DAAM1: variants seen among roughly 807,000 people sequenced by gnomAD.
DAAM1 encodes the protein dishevelled associated activator of morphogenesis 1, also known as disheveled-associated activator of morphogenesis 1.
Under a neutral mutation model 130.0 loss-of-function variants are expected in DAAM1, and 52 were observed. The observed-to-expected ratio is 0.40, with a 90% CI of 0.32 to 0.50. DAAM1 has a LOEUF of 0.50. DAAM1 is among the 20% of genes least tolerant of loss of function. The pLI is 0.61. For missense variants in DAAM1, 1,134 were observed against 1,303.8 expected (o/e 0.87, Z 2.01); for synonymous variants, 452 against 444.5 (o/e 1.02, Z -0.21).
chr14:59,230,344 C>T (rs974312499), intron 1 of DAAM1, among the ~76,000 whole-genome samples: 2 of 151,558 alleles, frequency 1.3e-5, no homozygotes, highest in Non-Finnish European at 1.5e-5. Flanking sequence ...GATTCCCTTA[C>T]CCAGGAGGCA....
intron 1 of DAAM1, among the ~76,000 whole-genome samples, chr14:59,242,365 TAAC>T (rs1167340700): frequency 7.2e-5 from 11 of 152,162 alleles, no homozygotes; most frequent in Admixed American, 5.2e-4. Flanking sequence ...ATAATAATAG[TAAC>T]AACAACAACA....
In DAAM1 at chr14:59,331,301, CCCA is replaced by C. The variant is rs1276393408; in HGVS notation, c.1659_1661del (p.Pro556del). The C allele has an allele frequency of 6.2e-7, 1 of 1,612,214 alleles. No homozygotes were observed. On this transcript the variant is annotated inframe_deletion, in exon 14 of 25. Coordinates refer to ENST00000360909, the MANE Select transcript of DAAM1 (RefSeq NM_001270520.2). ...CTGTGCCTGGATCTCTCCTTCCTCC[CCCA>C]CCACCCCCACCTCTACCAGGTGGGA... is the stretch of plus-strand genomic sequence containing the variant.
At chr14:59,301,891 C>T (rs892324734) in intron 3 of DAAM1, among the ~76,000 whole-genome samples, 1 of 152,154 alleles carries the variant, frequency 6.6e-6, no homozygotes, top group Non-Finnish European at 1.5e-5. Context: ...TTGTTCTTCA[C>T]AGAATTGTAA....
At chr14:59,233,092 T>A (rs1036493917) in intron 1 of DAAM1, among the ~76,000 whole-genome samples, 5 of 152,216 alleles carry the variant, frequency 3.3e-5, no homozygotes, top group African/African-American at 1.2e-4. Context: ...GGTGCTGCAA[T>A]AAACATACAT....
chr14:59,289,784 A>ATATATATATATACATATATATATATATAT, intron 2 of DAAM1, among the ~76,000 whole-genome samples: 1 of 128,776 alleles, frequency 7.8e-6, no homozygotes, highest in African/African-American at 2.9e-5. Context: ...ATATATATAT[A>ATATATATATATACATATATATATATATAT]ATGGAATGCT....
chr14:59,214,343 G>T (rs1050149107), intron 1 of DAAM1, among the ~76,000 whole-genome samples: 1 of 152,248 alleles, frequency 6.6e-6, no homozygotes, highest in African/African-American at 2.4e-5. Flanking sequence ...GTGCAAGGCA[G>T]GCCTGGCTGC....
chr14:59,286,608 G>A (rs1375227583), intron 2 of DAAM1, among the ~76,000 whole-genome samples: 2 of 151,996 alleles, frequency 1.3e-5, no homozygotes, highest in Non-Finnish European at 2.9e-5. Context: ...CATTACAACT[G>A]ACCCCACGGA....
intron 5 of DAAM1, among the ~76,000 whole-genome samples, chr14:59,321,067 T>A (rs375985432): frequency 9.9e-5 from 15 of 152,236 alleles, no homozygotes; most frequent in African/African-American, 3.6e-4. Flanking sequence ...CGTATATTGA[T>A]CAGCTGATGA....
chr14:59,367,845 A>G (rs1157556252), intron 24 of DAAM1, among the ~76,000 whole-genome samples: 1 of 152,202 alleles, frequency 6.6e-6, no homozygotes, highest in South Asian at 2.1e-4. Context: ...CAATTATTTT[A>G]AAGAAATAAT....
intron 12 of DAAM1, among the ~76,000 whole-genome samples, chr14:59,328,324 A>G (rs1885287993): frequency 6.6e-6 from 1 of 152,248 alleles, no homozygotes; most frequent in Admixed American, 6.5e-5. Context: ...AACTGCTACA[A>G]AAATGATAGA....
chr14:59,199,867 T>G (rs924617526), intron 1 of DAAM1, among the ~76,000 whole-genome samples: 1 of 152,136 alleles, frequency 6.6e-6, no homozygotes, highest in Non-Finnish European at 1.5e-5. Context: ...CTCCTCCAGT[T>G]GAGACAGCCC....
At chr14:59,255,341 A>G (rs1881829202) in intron 1 of DAAM1, among the ~76,000 whole-genome samples, 3 of 152,086 alleles carry the variant, frequency 2.0e-5, no homozygotes, top group Admixed American at 2.0e-4. Context: ...GGAACACACA[A>G]TTCCCTTTCA....
intron 21 of DAAM1, 82 bp from the exon 22 acceptor site, chr14:59,360,720 A>C: frequency 8.3e-7 from 1 of 1,208,606 alleles, no homozygotes; most frequent in Non-Finnish European, 1.2e-6. Context: ...ATGGACTTCC[A>C]AGCGTGAAAT....
At chr14:59,299,826 A>C (rs971427453) in intron 3 of DAAM1, 3 of 152,096 alleles carry the variant, frequency 2.0e-5, no homozygotes, top group African/African-American at 4.8e-5. Flanking sequence ...AACACCCTTA[A>C]TTTATATTTG....
intron 6 of DAAM1, 144 bp downstream of exon 6, chr14:59,323,369 T>C: frequency 1.1e-6 from 1 of 905,914 alleles, no homozygotes. Context: ...CATTCCCTTC[T>C]TCTTAGGTTT....
intron 1 of DAAM1, among the ~76,000 whole-genome samples, chr14:59,254,610 T>C (rs1163886970): frequency 6.6e-6 from 1 of 152,180 alleles, no homozygotes; most frequent in Non-Finnish European, 1.5e-5. Context: ...TGAGCTGTGA[T>C]GTCTTCGGGT....
chr14:59,201,746 A>G (rs1888111523), intron 1 of DAAM1, among the ~76,000 whole-genome samples: 1 of 151,146 alleles, frequency 6.6e-6, no homozygotes, highest in African/African-American at 2.4e-5. Context: ...GTGAGCCAAG[A>G]TGGTGTCACT....
At chr14:59,221,688 T>C (rs1888777748) in intron 1 of DAAM1, among the ~76,000 whole-genome samples, 1 of 152,212 alleles carries the variant, frequency 6.6e-6, no homozygotes. Context: ...TCCAGTTTCT[T>C]CTTGGTAATC....
intron 3 of DAAM1, among the ~76,000 whole-genome samples, chr14:59,301,129 A>G (rs1884153807): frequency 6.6e-6 from 1 of 152,112 alleles, no homozygotes; most frequent in Non-Finnish European, 1.5e-5. Flanking sequence ...TCATTTTATG[A>G]ACGTTTAAAT....
Sources: gnomAD v4.1 joint callset for allele counts (sites outside exome capture counted in the v4.1 genomes callset) on GRCh38, gnomAD v4.1.1 for gene constraint, MANE v1.5 for transcripts, NCBI Gene and HGNC (gene_info 2026-07-23, HGNC 2026-07-21) for gene names.